The following PALLD variants were observed in gnomAD, a reference collection of about 807,000 sequenced individuals.
The protein encoded by PALLD is palladin, cytoskeletal associated protein.
Under a neutral mutation model 123.5 loss-of-function variants are expected in PALLD, and 61 were observed. That is an observed-to-expected ratio of 0.49 (90% confidence interval 0.40 to 0.61). The LOEUF (loss-of-function observed/expected upper bound fraction) is 0.61. Among genes scored for constraint, PALLD ranks in the 20% least tolerant of loss-of-function variants. The probability of loss-of-function intolerance (pLI) is 0.00; values close to 1 mark genes in which losing one functional copy is unlikely to be tolerated. For synonymous variants in PALLD, 465 were observed against 496.4 expected (o/e 0.94, Z 0.84); for missense variants, 1,273 against 1,377.0 (o/e 0.92, Z 1.20).
rs2149590413 is a variant in PALLD, at chr4:168,565,753, C to T, written c.908+53341C>T. On this transcript the variant is annotated intron_variant, in intron 2 of 21. Coordinates refer to ENST00000505667, the MANE Select transcript of PALLD (RefSeq NM_001166108.2). Reference sequence around the variant, plus strand: ...TATACTTTACATTGTCACCATCACCCCACTTCATGAAAAAGAAGAGCTCAT... The same window carrying T: ...TATACTTTACATTGTCACCATCACCTCACTTCATGAAAAAGAAGAGCTCAT... Among the ~76,000 whole-genome samples the T allele has an allele frequency of 2.0e-5, 3 of 152,054 alleles. No individual in the cohort carries two copies. In the South Asian group the frequency reaches 6.2e-4, roughly 32 times the overall value.
chr4:168,714,093 T>A (rs1203327445), intron 10 of PALLD, among the ~76,000 whole-genome samples: 1 of 151,860 alleles, frequency 6.6e-6, no homozygotes, highest in Admixed American at 6.6e-5. Context: ...TAAATATATA[T>A]TTTTAAATTT....
At chr4:168,881,800 G>A (rs1210342562) in intron 10 of PALLD, among the ~76,000 whole-genome samples, 2 of 152,126 alleles carry the variant, frequency 1.3e-5, no homozygotes, top group Admixed American at 1.3e-4. Flanking sequence ...CTCCATTGCT[G>A]TAACCATGTT....
At chr4:168,529,408 T>C (rs926000760) in intron 2 of PALLD, among the ~76,000 whole-genome samples, 8 of 151,752 alleles carry the variant, frequency 5.3e-5, no homozygotes, top group African/African-American at 1.9e-4. Flanking sequence ...ACCTGCAGCA[T>C]AGTATTAGCG....
intron 2 of PALLD, among the ~76,000 whole-genome samples, chr4:168,567,840 T>C (rs1768564874): frequency 2.0e-5 from 3 of 151,904 alleles, no homozygotes; most frequent in Admixed American, 2.0e-4. Context: ...ACCTATCGGG[T>C]ACAATGTACG....
chr4:168,586,600 T>C (rs570313591), intron 2 of PALLD, among the ~76,000 whole-genome samples: 62 of 152,280 alleles, frequency 4.1e-4, no homozygotes, highest in African/African-American at 1.4e-3. Context: ...ATTGTGCAAG[T>C]ATGGATTAGA....
chr4:168,796,579 A>G (rs1175784890), intron 10 of PALLD, among the ~76,000 whole-genome samples: 1 of 152,232 alleles, frequency 6.6e-6, no homozygotes, highest in Non-Finnish European at 1.5e-5. Flanking sequence ...GCCTATGCTT[A>G]ATAAATATTT....
intron 10 of PALLD, among the ~76,000 whole-genome samples, chr4:168,753,533 C>T (rs940459586): frequency 6.6e-6 from 1 of 152,106 alleles, no homozygotes; most frequent in Non-Finnish European, 1.5e-5. Context: ...TCTGTAGTCT[C>T]CTCCCATATG....
chr4:168,518,273 CTT>C (rs1763191912), intron 2 of PALLD, among the ~76,000 whole-genome samples: 1 of 152,192 alleles, frequency 6.6e-6, no homozygotes, highest in African/African-American at 2.4e-5. Context: ...TCATCTGTCT[CTT>C]TGTTATTTGC....
chr4:168,817,405 G>A (rs1742124478), intron 10 of PALLD, among the ~76,000 whole-genome samples: 1 of 152,260 alleles, frequency 6.6e-6, no homozygotes, highest in Admixed American at 6.5e-5. Flanking sequence ...AATTATAACT[G>A]TATCCTTTGA....
intron 10 of PALLD, among the ~76,000 whole-genome samples, chr4:168,872,091 TGA>T (rs1327492473): frequency 2.0e-5 from 3 of 152,232 alleles, no homozygotes; most frequent in Non-Finnish European, 2.9e-5. Flanking sequence ...TCATGTTACA[TGA>T]GAGACTCAGC....
At chr4:168,750,897 T>C (rs994915674) in intron 10 of PALLD, among the ~76,000 whole-genome samples, 3 of 152,184 alleles carry the variant, frequency 2.0e-5, no homozygotes, top group Admixed American at 1.3e-4. Context: ...TTTGGATAGA[T>C]GATTTGTCTC....
intron 10 of PALLD, among the ~76,000 whole-genome samples, chr4:168,878,649 C>G (rs1166574870): frequency 7.0e-6 from 1 of 141,846 alleles, no homozygotes. Flanking sequence ...AGGAACTATT[C>G]AAAATCTATG....
intron 2 of PALLD, among the ~76,000 whole-genome samples, chr4:168,558,100 A>G (rs1161706915): frequency 6.6e-6 from 1 of 152,134 alleles, no homozygotes; most frequent in African/African-American, 2.4e-5. Flanking sequence ...AGCTCCTGCA[A>G]ATCAGTTCCT....
At position 168,506,336 on chromosome 4, in the gene PALLD, T is replaced by C. The variant is rs537385128; in HGVS notation, c.-82-5087T>C. Among the ~76,000 whole-genome samples the C allele has an allele frequency of 9.2e-5, 14 of 152,056 alleles. No homozygotes were observed. In the East Asian group the frequency reaches 2.1e-3, roughly 23 times the overall value. ...GTCTCAGTTTGGGAACTCTCCTTTC[T>C]TTCTATTACAAATTTTGCAGAGAAT... On this transcript the variant is annotated intron_variant, in intron 1 of 21. Transcript: ENST00000505667.
At chr4:168,566,771 A>C (rs1403513049) in intron 2 of PALLD, among the ~76,000 whole-genome samples, 1 of 152,200 alleles carries the variant, frequency 6.6e-6, no homozygotes, top group East Asian at 1.9e-4. Flanking sequence ...TTAACCAGCT[A>C]TTAAAATAAA....
chr4:168,647,168 C>T (rs1777545393), intron 2 of PALLD, among the ~76,000 whole-genome samples: 1 of 152,178 alleles, frequency 6.6e-6, no homozygotes, highest in Non-Finnish European at 1.5e-5. Flanking sequence ...AACATTTCAG[C>T]AGCCTTTTAA....
intron 2 of PALLD, among the ~76,000 whole-genome samples, chr4:168,580,506 T>G (rs952569201): frequency 6.6e-6 from 1 of 152,046 alleles, no homozygotes; most frequent in African/African-American, 2.4e-5. Flanking sequence ...GAAAAGGAAA[T>G]GCTTATACAC....
chr4:168,764,497 G>A (rs1176178088), intron 10 of PALLD, among the ~76,000 whole-genome samples: 3 of 151,982 alleles, frequency 2.0e-5, no homozygotes, highest in South Asian at 2.1e-4. Context: ...AGCACACTAC[G>A]GCCTCAAATT....
intron 10 of PALLD, among the ~76,000 whole-genome samples, chr4:168,827,059 C>T (rs1027029913): frequency 3.3e-5 from 5 of 152,284 alleles, no homozygotes; most frequent in African/African-American, 1.2e-4. Flanking sequence ...CAACTGCAGA[C>T]CTGGTTGTCA....
Sources: gnomAD v4.1 joint callset for allele counts (sites outside exome capture counted in the v4.1 genomes callset) on GRCh38, gnomAD v4.1.1 for gene constraint, MANE v1.5 for transcripts, NCBI Gene and HGNC (gene_info 2026-07-23, HGNC 2026-07-21) for gene names.